PHF21A: variants seen among roughly 807,000 people sequenced by gnomAD.
The protein encoded by PHF21A is BHC80a.
PHF21A carries 11 observed loss-of-function variants against 82.5 expected under a neutral mutation model. That is an observed-to-expected ratio of 0.13 (90% CI 0.08 to 0.22). PHF21A has a LOEUF of 0.22. PHF21A is among the 10% of genes least tolerant of loss of function. PHF21A has a pLI of 1.00. For synonymous variants in PHF21A, 297 were observed against 302.8 expected (o/e 0.98, Z 0.20); for missense variants, 579 against 837.8 (o/e 0.69, Z 3.81).
intron 10 of PHF21A, among the ~76,000 whole-genome samples, chr11:45,957,464 A>G (rs561737056): frequency 2.6e-5 from 4 of 152,310 alleles, no homozygotes; most frequent in South Asian, 4.1e-4. Flanking sequence ...AAAAAACTAG[A>G]AATTAATGAC....
At chr11:46,011,572 T>C (rs2095414833) in intron 6 of PHF21A, among the ~76,000 whole-genome samples, 1 of 152,160 alleles carries the variant, frequency 6.6e-6, no homozygotes, top group African/African-American at 2.4e-5. Flanking sequence ...GCTCTGGAAA[T>C]CTAGGATTTC....
rs1388204702 is a variant in PHF21A, at chr11:46,043,029, A to C, written c.153+33725T>G. Among the ~76,000 whole-genome samples the C allele has an allele frequency of 2.6e-5, 4 of 152,216 alleles. No homozygotes were observed. In the East Asian group the frequency reaches 7.7e-4, roughly 29 times the overall value. Reference sequence around the variant, plus strand: ...CATCTAGAATTCCTATTATTACTCTAACTCTCCTTCCTTTCTCATCCTACT... The same window carrying C: ...CATCTAGAATTCCTATTATTACTCTCACTCTCCTTCCTTTCTCATCCTACT... On this transcript the variant is annotated intron_variant, in intron 6 of 18. Transcript: ENST00000676320.
chr11:45,958,588 A>T (rs1165927939), intron 10 of PHF21A, among the ~76,000 whole-genome samples: 2 of 149,558 alleles, frequency 1.3e-5, no homozygotes, highest in Non-Finnish European at 3.0e-5. Flanking sequence ...GTGACAGAGC[A>T]AGATTCTGCC....
At chr11:46,103,372 A>C (rs1291606052) in intron 1 of PHF21A, among the ~76,000 whole-genome samples, 1 of 152,220 alleles carries the variant, frequency 6.6e-6, no homozygotes, top group Non-Finnish European at 1.5e-5. Context: ...CCTACTGGTC[A>C]CTCTATTGCA....
intron 6 of PHF21A, among the ~76,000 whole-genome samples, chr11:46,050,242 C>T (rs1020992866): frequency 6.6e-6 from 1 of 152,252 alleles, no homozygotes; most frequent in Non-Finnish European, 1.5e-5. Context: ...TTTTTACACA[C>T]AGACTAATGT....
chr11:45,991,971 T>C (rs1395782403), intron 6 of PHF21A, among the ~76,000 whole-genome samples: 2 of 152,158 alleles, frequency 1.3e-5, no homozygotes, highest in African/African-American at 2.4e-5. Flanking sequence ...AGACATGTAA[T>C]AGGATTATTA....
intron 17 of PHF21A, among the ~76,000 whole-genome samples, chr11:45,936,094 A>G (rs932105842): frequency 9.9e-5 from 15 of 152,280 alleles, no homozygotes; most frequent in African/African-American, 3.6e-4. Flanking sequence ...CCTGGGTGAC[A>G]TGGCGAAACC....
In PHF21A at chr11:45,951,236, T is replaced by C. The variant is rs2092065181; in HGVS notation, c.1096-979A>G. ...TCTGATGAATAAAGAACATCTTCAA[T>C]TGTAAAAGACATACTCCTGTAGAGT... On this transcript the variant is annotated intron_variant, in intron 11 of 18. Transcript: ENST00000676320. Among the ~76,000 whole-genome samples, 3 of 152,248 alleles carry C rather than the reference T, an allele frequency of 2.0e-5. 1 individual carries two copies. The South Asian group carries it at 6.2e-4, about 31-fold the overall frequency.
At chr11:46,050,754 T>G (rs926364749) in intron 6 of PHF21A, among the ~76,000 whole-genome samples, 3 of 152,168 alleles carry the variant, frequency 2.0e-5, no homozygotes, top group Admixed American at 6.5e-5. Flanking sequence ...AAAATTAAAA[T>G]TGAGGAAACA....
Position 46,064,776 on chromosome 11 carries a change from C to T in PHF21A, c.153+11978G>A, listed in dbSNP as rs145950672. ...TAGTTTATAGACAATTTTTAAATACCAAAAAATTAAAAAATAATTTATAAT... is the reference window on the plus strand; with the variant it reads ...TAGTTTATAGACAATTTTTAAATACTAAAAAATTAAAAAATAATTTATAAT... On this transcript the variant is annotated intron_variant, in intron 6 of 18. Transcript: ENST00000676320. Among the ~76,000 whole-genome samples, 573 of 151,938 alleles carry T rather than the reference C, an allele frequency of 3.8e-3. 5 individuals carry two copies. Among genetic ancestry groups the T allele is most frequent in the African/African-American group, 0.013 (550 of 41,454 alleles).
At chr11:46,002,804 A>T (rs7935308) in intron 6 of PHF21A, among the ~76,000 whole-genome samples, 76,368 of 151,738 alleles carry the variant, frequency 0.5, 22,625 homozygotes, top group African/African-American at 0.81. Context: ...TATTCAAAAG[A>T]CCCTTCTTCC....
chr11:46,107,617 T>C (rs1005733598), intron 1 of PHF21A, among the ~76,000 whole-genome samples: 3 of 152,236 alleles, frequency 2.0e-5, no homozygotes, highest in African/African-American at 4.8e-5. Flanking sequence ...GAGTGTATTC[T>C]AGGATTAGAA....
intron 9 of PHF21A, among the ~76,000 whole-genome samples, chr11:45,965,954 A>T (rs568847499): frequency 6.6e-6 from 1 of 152,230 alleles, no homozygotes; most frequent in East Asian, 1.9e-4. Flanking sequence ...CTTAACTCGC[A>T]TTTGAAATTT....
intron 10 of PHF21A, among the ~76,000 whole-genome samples, chr11:45,963,289 G>A (rs958180727): frequency 1.6e-4 from 24 of 151,586 alleles, no homozygotes; most frequent in East Asian, 7.8e-4. Flanking sequence ...GTGAGATGGC[G>A]GGCACCTGTA....
chr11:45,981,416 A>C (rs899665021), intron 6 of PHF21A, among the ~76,000 whole-genome samples: 3 of 147,958 alleles, frequency 2.0e-5, no homozygotes, highest in Non-Finnish European at 4.4e-5. Flanking sequence ...AAAAAAAAAA[A>C]AAACTATATT....
chr11:45,950,326 A>G, intron 11 of PHF21A, 69 bp from the exon 12 acceptor site: 1 of 1,382,102 alleles, frequency 7.2e-7, no homozygotes, highest in South Asian at 1.2e-5. Flanking sequence ...GCCAGTTCCT[A>G]GTAGGACATT....
Position 46,027,634 on chromosome 11 carries a change from C to G in PHF21A, c.154-47668G>C, listed in dbSNP as rs574282979. On this transcript the variant is annotated intron_variant, in intron 6 of 18. Transcript: ENST00000676320. ...TGCACTGCTTAAGATCTTTAAAATACCCAAGTGCTAAAGACATTCTCCTTA... is the reference window on the plus strand; with the variant it reads ...TGCACTGCTTAAGATCTTTAAAATAGCCAAGTGCTAAAGACATTCTCCTTA... Among the ~76,000 whole-genome samples the G allele has an allele frequency of 8.5e-5, 13 of 152,308 alleles. No individual in the cohort carries two copies. The South Asian group carries it at 2.5e-3, about 29-fold the overall frequency.
intron 7 of PHF21A, among the ~76,000 whole-genome samples, chr11:45,977,313 T>C (rs1283675424): frequency 6.6e-6 from 1 of 152,076 alleles, no homozygotes; most frequent in African/African-American, 2.4e-5. Flanking sequence ...ATTTTTGTAT[T>C]TTTAGTAGAG....
intron 6 of PHF21A, among the ~76,000 whole-genome samples, chr11:46,051,593 C>A (rs945085960): frequency 2.0e-5 from 3 of 152,156 alleles, no homozygotes; most frequent in Non-Finnish European, 4.4e-5. Context: ...CTTGTCTACA[C>A]AAGAAAAACT....
Sources: allele counts gnomAD v4.1 joint callset (sites outside exome capture counted in the v4.1 genomes callset), GRCh38; gene constraint gnomAD v4.1.1; transcripts MANE v1.5; gene names NCBI Gene and HGNC (gene_info 2026-07-23, HGNC 2026-07-21).